The following CACNA1I variants were observed in gnomAD, a reference collection of about 807,000 sequenced individuals.
The protein encoded by CACNA1I is calcium voltage-gated channel subunit alpha1 I, also known as voltage-dependent T-type calcium channel subunit alpha-1I.
In CACNA1I, 74 loss-of-function variants were observed where a neutral mutation model predicts 201.6. The observed-to-expected ratio is 0.37, with a 90% CI of 0.30 to 0.45. The LOEUF (loss-of-function observed/expected upper bound fraction) is 0.45, where lower values mean the gene tolerates loss of function less well. CACNA1I is among the 20% of genes least tolerant of loss of function. The pLI is 1.00. For missense variants in CACNA1I, 2,346 were observed against 3,138.1 expected (o/e 0.75, Z 6.03); for synonymous variants, 1,431 against 1,345.2 (o/e 1.06, Z -1.40).
At chr22:39,586,515 A>C (rs1932754783) in intron 1 of CACNA1I, among the ~76,000 whole-genome samples, 1 of 152,162 alleles carries the variant, frequency 6.6e-6, no homozygotes, top group East Asian at 1.9e-4. Context: ...TAAATAAATA[A>C]ATAAATAAAA....
chr22:39,625,578 A>G (rs1474320027), intron 4 of CACNA1I, among the ~76,000 whole-genome samples: 1 of 152,204 alleles, frequency 6.6e-6, no homozygotes, highest in Admixed American at 6.5e-5. Flanking sequence ...GGACATGGAC[A>G]TCATGGTGCT....
At chr22:39,628,829 C>G (rs1290909416) in intron 4 of CACNA1I, among the ~76,000 whole-genome samples, 1 of 152,198 alleles carries the variant, frequency 6.6e-6, no homozygotes, top group Non-Finnish European at 1.5e-5. Context: ...CTCGGCTCCC[C>G]TCGCCCCGAC....
Position 39,658,132 on chromosome 22 carries a change from C to T in CACNA1I, c.1993-20C>T. 1 of 1,612,792 alleles carries T rather than the reference C, an allele frequency of 6.2e-7. No individual in the cohort carries two copies. The highest frequency in any genetic ancestry group is 8.5e-7 in the Non-Finnish European group (1 of 1,179,206). ...CTCTGGCCTGACCGGGTCTCCATTC[C>T]CCACCCCAATGCCCCACAGCCGGAG... On this transcript the variant is annotated intron_variant, in intron 10 of 36. Transcript: ENST00000402142.
rs1466566234 is a variant in CACNA1I at position 39,668,364 on chromosome 22, G to C, written c.4177G>C (p.Val1393Leu). 1 of 1,612,230 alleles carries C rather than the reference G, an allele frequency of 6.2e-7. No individual in the cohort carries two copies. The highest frequency in any genetic ancestry group is 1.3e-5 in the African/African-American group (1 of 74,886). Residue 1393 changes from valine to leucine, a missense_variant, in exon 24 of 37, where the codon GTT (valine) becomes CTT (leucine). By Grantham distance (32) the Val-to-Leu change is conservative. Coordinates refer to ENST00000402142, the MANE Select transcript of CACNA1I (RefSeq NM_021096.4). ...VNIMYNGLDA[V>L]AVDQQPVTNH... ...CATCATGTACAATGGACTGGATGCT[G>C]TTGCTGTGGACCAGCAGGTGGGTGT... is the stretch of plus-strand genomic sequence containing the variant.
chr22:39,573,650 G>A (rs922380856), intron 1 of CACNA1I, among the ~76,000 whole-genome samples: 1 of 152,168 alleles, frequency 6.6e-6, no homozygotes, highest in African/African-American at 2.4e-5. Context: ...CCTGACCACT[G>A]AGTGAGCCAG....
chr22:39,671,836 G>T (rs1049009617), intron 26 of CACNA1I, among the ~76,000 whole-genome samples: 5 of 152,080 alleles, frequency 3.3e-5, no homozygotes, highest in African/African-American at 4.8e-5. Flanking sequence ...CATTTAATTT[G>T]CATACCAGCT....
At chr22:39,576,513 G>A (rs985536016) in intron 1 of CACNA1I, among the ~76,000 whole-genome samples, 1 of 152,200 alleles carries the variant, frequency 6.6e-6, no homozygotes, top group Non-Finnish European at 1.5e-5. Flanking sequence ...AGAAACACCA[G>A]GTTCTCCACA....
chr22:39,661,356 G>A (rs1485981963), intron 16 of CACNA1I, 46 bp downstream of exon 16: 1 of 1,404,838 alleles, frequency 7.1e-7, no homozygotes, highest in Admixed American at 2.4e-5. Flanking sequence ...CTGCTGGGGT[G>A]TGTGTGGAGG....
At chr22:39,603,123 T>G (rs1331086973) in intron 3 of CACNA1I, among the ~76,000 whole-genome samples, 1 of 150,512 alleles carries the variant, frequency 6.6e-6, no homozygotes, top group Non-Finnish European at 1.5e-5. Context: ...GCCATTGCAC[T>G]CTAGTCTTCA....
intron 4 of CACNA1I, among the ~76,000 whole-genome samples, chr22:39,627,932 G>T (rs1188563690): frequency 6.8e-6 from 1 of 147,426 alleles, no homozygotes; most frequent in Non-Finnish European, 1.5e-5. Context: ...CTCCCTTCCT[G>T]GAAGAGGTGG....
chr22:39,628,351 AG>A (rs1444692206), intron 4 of CACNA1I, among the ~76,000 whole-genome samples: 2 of 152,108 alleles, frequency 1.3e-5, no homozygotes, highest in Non-Finnish European at 2.9e-5. Flanking sequence ...CTGATGGGAA[AG>A]GGTGCCTACC....
Position 39,677,718 on chromosome 22 carries a change from G to T in CACNA1I, c.4934-269G>T, listed in dbSNP as rs1349350072. 6.6e-6 allele frequency among the ~76,000 whole-genome samples: 1 copy of T among 152,222 alleles called. No individual in the cohort carries two copies. Among genetic ancestry groups the T allele is most frequent in the East Asian group, 1.9e-4 (1 of 5,200 alleles). On this transcript the variant is annotated intron_variant, in intron 30 of 36. Coordinates refer to ENST00000402142, the MANE Select transcript of CACNA1I (RefSeq NM_021096.4). This position sits in a 1 kb window ranked among gnomAD's most constrained non-coding sequence, Gnocchi z 4.8. ...GCACCGGGATGGCTCCAGAAAGCAG[G>T]GTTCCCCGAGGGGCTGGCCCTCACC...
Position 39,658,950 on chromosome 22 carries a change from C to A in CACNA1I, c.2164C>A (p.Gln722Lys), listed in dbSNP as rs752896603. 5 of 1,600,266 alleles carry A rather than the reference C, an allele frequency of 3.1e-6. No individual in the cohort carries two copies. The highest frequency in any genetic ancestry group is 2.2e-5 in the East Asian group (1 of 44,534). Residue 722 changes from glutamine to lysine, a missense_variant, in exon 12 of 37, where the codon CAG (glutamine) becomes AAG (lysine). By Grantham distance (53) the Gln-to-Lys change is moderately conservative. This residue lies in a region of CACNA1I where 155 missense variants were observed against 300.8 expected (regional missense o/e 0.52). Transcript: ENST00000402142. Reference sequence around the variant, plus strand: ...CCGCAGCATCTGGGAGATTGTGGGGCAGGCGGACGGTGGGCTGTCGGTGCT... The same window carrying A: ...CCGCAGCATCTGGGAGATTGTGGGGAAGGCGGACGGTGGGCTGTCGGTGCT... Reference protein sequence around the residue: ...VIISIWEIVGQADGGLSVLRT... With the variant: ...VIISIWEIVGKADGGLSVLRT...
intron 26 of CACNA1I, 110 bp downstream of exon 26, chr22:39,671,064 G>T (rs1935363672): frequency 2.0e-6 from 2 of 980,382 alleles, no homozygotes; most frequent in African/African-American, 1.6e-5. Flanking sequence ...AGCAGGATGT[G>T]AGCAGCCCCT....
At chr22:39,590,597 A>G (rs1035422307) in intron 1 of CACNA1I, among the ~76,000 whole-genome samples, 5 of 152,224 alleles carry the variant, frequency 3.3e-5, no homozygotes, top group Non-Finnish European at 5.9e-5. Flanking sequence ...GGTCCCTCAC[A>G]TCGCAGACAC....
At position 39,665,818 on chromosome 22, in the gene CACNA1I, C is replaced by T. The variant is rs547309546; in HGVS notation, c.3979-63C>T. On this transcript the variant is annotated intron_variant, in intron 22 of 36. Coordinates refer to ENST00000402142, the MANE Select transcript of CACNA1I (RefSeq NM_021096.4). The surrounding 1 kb of genome is among the most constrained non-coding windows in gnomAD (Gnocchi z 5.5). ...AGTCTGAGTAAACGCGATCGAGAGG[C>T]GAGTTCCTCTCTGACTTGCAACCCT... The T allele has an allele frequency of 4.4e-4, 705 of 1,603,264 alleles. 7 individuals carry two copies. In the South Asian group the frequency reaches 7.2e-3, roughly 16 times the overall value.
intron 34 of CACNA1I, among the ~76,000 whole-genome samples, chr22:39,682,232 G>C (rs923797377): frequency 6.6e-5 from 10 of 152,192 alleles, no homozygotes; most frequent in African/African-American, 2.4e-4. Context: ...TGATGCCTTC[G>C]CCAGCCTTGA....
Position 39,629,032 on chromosome 22 carries a change from A to G in CACNA1I, c.581-5533A>G, listed in dbSNP as rs1049038000. On this transcript the variant is annotated intron_variant, in intron 4 of 36. Coordinates refer to ENST00000402142, the MANE Select transcript of CACNA1I (RefSeq NM_021096.4). This position sits in a 1 kb window ranked among gnomAD's most constrained non-coding sequence, Gnocchi z 4.8. ...CTGCCACCTCCTCTCAGGTGTCCCC[A>G]CTGCCACTGAGGGGCTGCCTCTGCC... Among the ~76,000 whole-genome samples the G allele has an allele frequency of 1.3e-5, 2 of 151,998 alleles. No individual in the cohort carries two copies. The highest frequency in any genetic ancestry group is 3.9e-4 in the East Asian group (2 of 5,166).
intron 1 of CACNA1I, among the ~76,000 whole-genome samples, chr22:39,594,185 C>G (rs1932853406): frequency 6.6e-6 from 1 of 152,172 alleles, no homozygotes. Flanking sequence ...TTCCCCATGT[C>G]TCAGCCTTCC....
Sources: allele counts gnomAD v4.1 joint callset (sites outside exome capture counted in the v4.1 genomes callset), GRCh38; gene constraint gnomAD v4.1.1; regional missense constraint gnomAD v4.1.1; non-coding constraint Gnocchi (gnomAD v3.1); transcripts MANE v1.5; gene names NCBI Gene and HGNC (gene_info 2026-07-23, HGNC 2026-07-21).